Variants in SLC12A7 observed in about 807,000 individuals in gnomAD.
SLC12A7 encodes solute carrier family 12 member 7.
A neutral mutation model predicts 120.6 loss-of-function variants in SLC12A7; 100 were observed. The ratio of observed to expected loss-of-function variants is 0.83; its 90% CI spans 0.71 to 0.98. SLC12A7 has a LOEUF of 0.98. SLC12A7 is among the 50% of genes least tolerant of loss of function. SLC12A7 has a pLI of 0.00. For missense variants in SLC12A7, 1,373 were observed against 1,548.1 expected, an observed-to-expected ratio of 0.89 and a Z score of 1.90; for synonymous variants, 760 against 678.0, an observed-to-expected ratio of 1.12 and a Z score of -1.88.
At chr5:1,052,592 G>A in intron 23 of SLC12A7, 141 bp from the exon 24 acceptor site, 2 of 689,686 alleles carry the variant, frequency 2.9e-6, no homozygotes, top group South Asian at 1.8e-5. Flanking sequence ...AAGAGAGGTG[G>A]GGATTAGAGA....
At chr5:1,133,806 T>TA in the SLC12A7 span, among the ~76,000 whole-genome samples, 2 of 152,020 alleles carry the variant, frequency 1.3e-5, no homozygotes, top group Non-Finnish European at 2.9e-5. Context: ...ACCCTGTAAA[T>TA]AGCTTTCCCA....
intron 18 of SLC12A7, 137 bp from the exon 19 acceptor site, chr5:1,064,389 T>C: frequency 1.0e-6 from 1 of 959,890 alleles, no homozygotes; most frequent in Non-Finnish European, 1.5e-6. Context: ...CCTCACTCCG[T>C]CAGCTCCTCC....
the SLC12A7 span, among the ~76,000 whole-genome samples, chr5:1,132,855 C>A: frequency 6.6e-6 from 1 of 152,232 alleles, no homozygotes; most frequent in Non-Finnish European, 1.5e-5. Flanking sequence ...CGGCCCAGCA[C>A]AAATTTCAGA....
intron 23 of SLC12A7, 68 bp downstream of exon 23, chr5:1,053,281 C>A (rs2241603): frequency 3.9e-6 from 6 of 1,557,442 alleles, no homozygotes; most frequent in Admixed American, 1.8e-5. Flanking sequence ...ACCCACAAAC[C>A]CAGGTCTTAG....
chr5:1,091,721 C>T (rs907273453), intron 3 of SLC12A7, among the ~76,000 whole-genome samples: 6 of 151,190 alleles, frequency 4.0e-5, no homozygotes, highest in African/African-American at 7.3e-5. Flanking sequence ...CCCAATTCCG[C>T]GGCGTCCACG....
chr5:1,077,210 C>T (rs1395158429), intron 12 of SLC12A7, among the ~76,000 whole-genome samples: 1 of 152,256 alleles, frequency 6.6e-6, no homozygotes, highest in African/African-American at 2.4e-5. Flanking sequence ...TGTCCCCTTC[C>T]TGGACACCAT....
chr5:1,135,402 C>G, the SLC12A7 span, among the ~76,000 whole-genome samples: 1 of 152,058 alleles, frequency 6.6e-6, no homozygotes, highest in Admixed American at 6.5e-5. Context: ...GGCCCGTTTC[C>G]AGGGCCTTGG....
chr5:1,145,719 C>T, the SLC12A7 span, among the ~76,000 whole-genome samples: 1 of 152,104 alleles, frequency 6.6e-6, no homozygotes, highest in Non-Finnish European at 1.5e-5. The surrounding 1 kb of genome is among the most constrained non-coding windows in gnomAD (Gnocchi z 4.4). Context: ...ATCAAACTGG[C>T]CTCCTCTCAG....
chr5:1,094,261 A>T lies in SLC12A7; in HGVS notation c.125-13T>A, dbSNP rs377707539. 1.4e-5 allele frequency: 22 copies of T among 1,599,886 alleles called. No individual in the cohort carries two copies. In the African/African-American group the frequency reaches 2.9e-4, roughly 21 times the overall value. On this transcript the variant is annotated splice_polypyrimidine_tract_variant and intron_variant, in intron 1 of 23. Coordinates refer to ENST00000264930, the MANE Select transcript of SLC12A7 (RefSeq NM_006598.3). ...GGATTTCCATCTCCTAGTGAGGGAA[A>T]AACAATTCAGAGTCAGCTTAGAAGG...
chr5:1,061,063 ACCCG>A (rs1736166748), intron 20 of SLC12A7, among the ~76,000 whole-genome samples: 10 of 99,932 alleles, frequency 1.0e-4, no homozygotes, highest in African/African-American at 3.7e-4. Context: ...CACCCGCCGC[ACCCG>A]CCGCACCTGC....
the SLC12A7 span, among the ~76,000 whole-genome samples, chr5:1,122,079 C>T: frequency 9.2e-5 from 14 of 152,198 alleles, no homozygotes; most frequent in Admixed American, 1.3e-4. Flanking sequence ...CCCGGGCCCA[C>T]GGCAACGCAG....
intron 8 of SLC12A7, among the ~76,000 whole-genome samples, chr5:1,082,196 G>A (rs55986647): frequency 8.2e-5 from 12 of 146,922 alleles, no homozygotes; most frequent in South Asian, 2.2e-4. Context: ...TTCCCGTCTC[G>A]GGTTCTGGAA....
Position 1,057,616 on chromosome 5 carries a change from G to A in SLC12A7, c.2881C>T (p.His961Tyr). 1.2e-6 allele frequency: 2 copies of A among 1,604,782 alleles called. No individual in the cohort carries two copies. The highest frequency in any genetic ancestry group is 1.7e-6 in the Non-Finnish European group (2 of 1,179,702). ...TGGGTCCTGGCTGCCGCCGCGGTGT[G>A]GGACGCGGTGTTCCTGTCGTGGATC... ...QLIHDRNTAS[H>Y]TAAAARTQAP... is the part of the protein sequence containing the mutation. Residue 961 changes from histidine to tyrosine, a missense_variant, in exon 22 of 24, where the codon CAC (histidine) becomes TAC (tyrosine). Physicochemically the swap from His to Tyr is moderately conservative, Grantham distance 83. Coordinates refer to ENST00000264930, the MANE Select transcript of SLC12A7 (RefSeq NM_006598.3).
At position 1,054,579 on chromosome 5, in the gene SLC12A7, G is replaced by A. The variant is rs543042480; in HGVS notation, c.3027-1097C>T. On this transcript the variant is annotated intron_variant, in intron 22 of 23. Coordinates refer to ENST00000264930, the MANE Select transcript of SLC12A7 (RefSeq NM_006598.3). ...CGTGTGTGGACTTGAAAGTCGGAGC[G>A]GGTCTCAGGCCAGCTGCAGCCGTGC... Among the ~76,000 whole-genome samples, 29 of 152,340 alleles carry A rather than the reference G, an allele frequency of 1.9e-4. No individual in the cohort carries two copies. The South Asian group carries it at 5.4e-3, about 28-fold the overall frequency.
chr5:1,089,204 G>A, intron 3 of SLC12A7, 76 bp from the exon 4 acceptor site: 1 of 1,532,342 alleles, frequency 6.5e-7, no homozygotes, highest in Non-Finnish European at 8.8e-7. Flanking sequence ...GCTGCACTCA[G>A]GCCCTGGGCA....
chr5:1,075,452 A>G lies in SLC12A7; in HGVS notation c.1886T>C (p.Leu629Pro). Reference protein sequence around the residue: ...SFLGMSLCLALMFICSWYYAL... With the variant: ...SFLGMSLCLAPMFICSWYYAL... ...GTAGTACCAGGAGCAGATGAACATC[A>G]GCGCCAGGCACAGGCTCATACCCAG... The change falls in exon 15 of 24, where the codon CTG (leucine) becomes CCG (proline). Residue 629 changes from leucine to proline, a missense_variant. Physicochemically the swap from Leu to Pro is moderately conservative, Grantham distance 98 (BLOSUM62 -3). Transcript: ENST00000264930. The G allele has an allele frequency of 6.2e-7, 1 of 1,612,524 alleles. No homozygotes were observed. Among genetic ancestry groups the G allele is most frequent in the Non-Finnish European group, 8.5e-7 (1 of 1,179,608 alleles).
rs1253527925 is a variant in SLC12A7 at position 1,061,001 on chromosome 5, C to T, written c.2740-550G>A. Among the ~76,000 whole-genome samples the T allele has an allele frequency of 4.1e-3, 560 of 135,308 alleles. 6 individuals carry two copies. Among genetic ancestry groups the T allele is most frequent in the African/African-American group, 0.016 (513 of 33,020 alleles). 88.8% of individuals were successfully genotyped at this position (135,308 alleles called of 152,430 possible). ...CGTCTCACCCACTGCACCTGCCGTG[C>T]AGGATCCCTGAGTCTCACCCGCCGC... On this transcript the variant is annotated intron_variant, in intron 20 of 23. Coordinates refer to ENST00000264930, the MANE Select transcript of SLC12A7 (RefSeq NM_006598.3).
chr5:1,066,392 A>G (rs1282767905), intron 17 of SLC12A7, among the ~76,000 whole-genome samples: 2 of 152,128 alleles, frequency 1.3e-5, no homozygotes, highest in East Asian at 1.9e-4. Flanking sequence ...TGAGATTTAC[A>G]TGAGAGTTGG....
chr5:1,073,528 C>T (rs1313172880), intron 17 of SLC12A7, 105 bp downstream of exon 17: 36 of 1,268,656 alleles, frequency 2.8e-5, no homozygotes, highest in Non-Finnish European at 3.4e-5. Flanking sequence ...AGCAGCGCCA[C>T]GCACAGCACC....
Sources: gnomAD v4.1 joint callset for allele counts (sites outside exome capture counted in the v4.1 genomes callset) on GRCh38, gnomAD v4.1.1 for gene constraint, Gnocchi (gnomAD v3.1) non-coding constraint, MANE v1.5 for transcripts, NCBI Gene and HGNC (gene_info 2026-07-23, HGNC 2026-07-21) for gene names.